The following MEIG1 variants were observed in gnomAD, a reference collection of about 807,000 sequenced individuals.
MEIG1 encodes meiosis/spermiogenesis associated 1, also known as meiosis expressed gene 1 protein homolog.
Under a neutral mutation model 11.3 loss-of-function variants are expected in MEIG1, and 12 were observed. The observed-to-expected ratio is 1.07, with a 90% confidence interval of 0.68 to 1.73. MEIG1 has a LOEUF of 1.73. Among genes scored for constraint, MEIG1 ranks in the 40% most tolerant of loss-of-function variants. The pLI is 0.00. For synonymous variants in MEIG1, 41 were observed against 33.2 expected, an observed-to-expected ratio of 1.24 and a Z score of -0.81; for missense variants, 119 against 104.9, an observed-to-expected ratio of 1.13 and a Z score of -0.59.
At chr10:14,982,656 T>C (rs1450402007) in intron 1 of MEIG1, among the ~76,000 whole-genome samples, 1 of 152,094 alleles carries the variant, frequency 6.6e-6, no homozygotes, top group Non-Finnish European at 1.5e-5. Flanking sequence ...TCAGGGGCAT[T>C]TGGATCCCCG....
intron 1 of MEIG1, among the ~76,000 whole-genome samples, chr10:14,978,494 G>C (rs963786906): frequency 2.0e-5 from 3 of 151,276 alleles, no homozygotes; most frequent in African/African-American, 7.3e-5. Context: ...ATATCACAGG[G>C]GTGCACACCC....
chr10:14,960,816 C>A (rs1843004033), intron 1 of MEIG1, among the ~76,000 whole-genome samples: 1 of 151,888 alleles, frequency 6.6e-6, no homozygotes, highest in Non-Finnish European at 1.5e-5. Context: ...CACCTGAGGT[C>A]GGGAATTCGA....
chr10:14,964,221 C>G (rs1370055165), intron 1 of MEIG1, among the ~76,000 whole-genome samples: 1 of 151,788 alleles, frequency 6.6e-6, no homozygotes, highest in Non-Finnish European at 1.5e-5. Flanking sequence ...GAAAAGAGTC[C>G]ATTGGTACTT....
intron 1 of MEIG1, among the ~76,000 whole-genome samples, chr10:14,978,707 G>C (rs113781339): frequency 6.6e-6 from 1 of 151,872 alleles, no homozygotes; most frequent in Non-Finnish European, 1.5e-5. Context: ...TATATTAGCC[G>C]TGATATCCTA....
downstream of MEIG1, among the ~76,000 whole-genome samples, chr10:14,975,980 G>C (rs1843205468): frequency 6.6e-6 from 1 of 152,154 alleles, no homozygotes; most frequent in Non-Finnish European, 1.5e-5. Flanking sequence ...AATTTCCAGA[G>C]GCAGAGAAGA....
chr10:14,956,929 A>G (rs1224912360), upstream of MEIG1, among the ~76,000 whole-genome samples: 1 of 152,168 alleles, frequency 6.6e-6, no homozygotes, highest in Non-Finnish European at 1.5e-5. Flanking sequence ...GTGGTGGTAC[A>G]CCTACAATAA....
chr10:14,969,765 G>A (rs1003362152), intron 2 of MEIG1, among the ~76,000 whole-genome samples: 2 of 152,198 alleles, frequency 1.3e-5, no homozygotes, highest in Non-Finnish European at 2.9e-5. Context: ...GAACCCGGGA[G>A]GGGGAGGTTA....
chr10:14,976,140 A>T, downstream of MEIG1, among the ~76,000 whole-genome samples: 1 of 151,424 alleles, frequency 6.6e-6, no homozygotes, highest in Admixed American at 6.6e-5. Context: ...GAGGGGGTTG[A>T]TATTACTCCC....
rs763394303 is a variant in MEIG1, at chr10:14,966,614, T to A, written c.138+8T>A. ...GTGAAACAAGTTTCTATGGTAAGATTTCTGTCTCTACAAACCTCAACTCGA... is the reference window on the plus strand; with the variant it reads ...GTGAAACAAGTTTCTATGGTAAGATATCTGTCTCTACAAACCTCAACTCGA... On this transcript the variant is annotated splice_region_variant and intron_variant, in intron 2 of 2. Transcript: ENST00000407572. The A allele has an allele frequency of 5.0e-6, 8 of 1,606,394 alleles. No homozygotes were observed. In the Admixed American group the frequency reaches 1.0e-4, roughly 21 times the overall value.
chr10:14,981,462 C>G (rs1167666405), intron 1 of MEIG1, among the ~76,000 whole-genome samples: 1 of 152,110 alleles, frequency 6.6e-6, no homozygotes, highest in Non-Finnish European at 1.5e-5. Flanking sequence ...AAGTCCGAGG[C>G]GAGCAGAAAG....
upstream of MEIG1, among the ~76,000 whole-genome samples, chr10:14,958,183 G>A (rs1842970641): frequency 6.6e-6 from 1 of 152,210 alleles, no homozygotes; most frequent in Non-Finnish European, 1.5e-5. Flanking sequence ...TTTTGGCAGG[G>A]AGGTGTTTGG....
downstream of MEIG1, among the ~76,000 whole-genome samples, chr10:14,973,319 CA>C (rs1843173312): frequency 6.6e-6 from 1 of 152,184 alleles, no homozygotes; most frequent in East Asian, 1.9e-4. Context: ...TTTACTAGAA[CA>C]TTGCTTTGAG....
chr10:14,968,816 C>T (rs1411476230), intron 2 of MEIG1, among the ~76,000 whole-genome samples: 1 of 152,136 alleles, frequency 6.6e-6, no homozygotes, highest in Non-Finnish European at 1.5e-5. Context: ...TGTTGGCTCA[C>T]ACCTGTAATC....
downstream of MEIG1, among the ~76,000 whole-genome samples, chr10:14,976,982 A>T (rs1414036062): frequency 6.6e-6 from 1 of 151,814 alleles, no homozygotes; most frequent in East Asian, 1.9e-4. Context: ...ATTATTCGTT[A>T]TATCCACGGG....
intron 1 of MEIG1, chr10:14,986,680 G>A (rs1843321517): frequency 2.9e-5 from 8 of 280,072 alleles, no homozygotes; most frequent in South Asian, 2.6e-4. Flanking sequence ...CACAATCCGG[G>A]CTCACTGCAA....
chr10:14,972,565 A>C lies in MEIG1; in HGVS notation c.191A>C (p.Asn64Thr). ...GYVKKLQRRD[N>T]TFYYYNKQRE... ...GTGAAGAAACTTCAGAGAAGGGACA[A>C]TACGTTCTATTACTACAACAAACAG... Residue 64 changes from asparagine (N) to threonine (T), a missense_variant, in exon 3 of 3, where the codon AAT becomes ACT. Coordinates refer to ENST00000407572, the MANE Select transcript of MEIG1 (RefSeq NM_001080836.3). 6.2e-7 allele frequency: 1 copy of C among 1,614,072 alleles called. No individual in the cohort carries two copies. The highest frequency in any genetic ancestry group is 2.2e-5 in the East Asian group (1 of 44,864).
At chr10:14,960,503 C>A (rs1285784132) in intron 1 of MEIG1, among the ~76,000 whole-genome samples, 1 of 152,012 alleles carries the variant, frequency 6.6e-6, no homozygotes, top group Admixed American at 6.6e-5. Context: ...ACTGCAAGCT[C>A]CGCCTCCCGG....
intron 1 of MEIG1, among the ~76,000 whole-genome samples, chr10:14,960,447 C>T (rs1174016484): frequency 6.6e-6 from 1 of 152,082 alleles, no homozygotes; most frequent in South Asian, 2.1e-4. Flanking sequence ...GAGACGGAGT[C>T]TCGCTCTGTA....
chr10:14,971,455 A>G (rs1589211800), intron 2 of MEIG1, among the ~76,000 whole-genome samples: 1 of 151,956 alleles, frequency 6.6e-6, no homozygotes. Flanking sequence ...AGGCTGGAGG[A>G]TCCCCTGAGC....
Sources: gnomAD v4.1 joint callset for allele counts (sites outside exome capture counted in the v4.1 genomes callset) on GRCh38, gnomAD v4.1.1 for gene constraint, MANE v1.5 for transcripts, NCBI Gene and HGNC (gene_info 2026-07-23, HGNC 2026-07-21) for gene names.